CNTNAP4: variants seen among roughly 807,000 people sequenced by gnomAD.
The protein encoded by CNTNAP4 is contactin associated protein family member 4.
In CNTNAP4, 98 loss-of-function variants were observed where a neutral mutation model predicts 148.4. The ratio of observed to expected loss-of-function variants is 0.66; its 90% CI spans 0.56 to 0.78. The LOEUF is 0.78. CNTNAP4 is among the 30% of genes least tolerant of loss of function. The pLI, the probability that CNTNAP4 is intolerant of heterozygous loss-of-function variation, is 0.00. For missense variants in CNTNAP4, 1,935 were observed against 1,565.6 expected (o/e 1.24, Z -3.98); for synonymous variants, 730 against 565.1 (o/e 1.29, Z -4.14).
chr16:76,531,921 G>A (rs1445077666), intron 17 of CNTNAP4, among the ~76,000 whole-genome samples: 1 of 152,134 alleles, frequency 6.6e-6, no homozygotes, highest in African/African-American at 2.4e-5. Flanking sequence ...TTTTAAAGTT[G>A]TGTACTGATT....
At chr16:76,318,730 AT>A (rs778831443) in intron 2 of CNTNAP4, among the ~76,000 whole-genome samples, 110 of 148,008 alleles carry the variant, frequency 7.4e-4, no homozygotes, top group Non-Finnish European at 1.1e-3. Flanking sequence ...TAAATTAATT[AT>A]TTTTATTAAT....
At chr16:76,450,862 A>G (rs2080439270) in intron 7 of CNTNAP4, among the ~76,000 whole-genome samples, 1 of 152,230 alleles carries the variant, frequency 6.6e-6, no homozygotes, top group African/African-American at 2.4e-5. Flanking sequence ...CTTGGACCTC[A>G]GCAATTTTCA....
intron 1 of CNTNAP4, among the ~76,000 whole-genome samples, chr16:76,301,009 A>C (rs982175958): frequency 1.3e-5 from 2 of 152,042 alleles, no homozygotes; most frequent in Non-Finnish European, 2.9e-5. Context: ...GAACAAGTAC[A>C]TACTTGGTCA....
intron 3 of CNTNAP4, among the ~76,000 whole-genome samples, chr16:76,384,128 C>G (rs1339255832): frequency 6.6e-6 from 1 of 152,002 alleles, no homozygotes; most frequent in Non-Finnish European, 1.5e-5. Flanking sequence ...GCTGCAACCT[C>G]CGCCTCCCAG....
At chr16:76,396,736 A>C (rs2144803854) in intron 3 of CNTNAP4, among the ~76,000 whole-genome samples, 1 of 152,292 alleles carries the variant, frequency 6.6e-6, no homozygotes, top group African/African-American at 2.4e-5. Context: ...TGTATCAGCC[A>C]GTGCTACCAG....
At chr16:76,376,905 GTT>G (rs1328006586) in intron 3 of CNTNAP4, among the ~76,000 whole-genome samples, 154 of 113,410 alleles carry the variant, frequency 1.4e-3, no homozygotes, top group African/African-American at 5.7e-3. Context: ...AACTAACAAG[GTT>G]TGTGTGTGTG....
At chr16:76,338,640 T>A (rs1964214293) in intron 2 of CNTNAP4, among the ~76,000 whole-genome samples, 1 of 152,182 alleles carries the variant, frequency 6.6e-6, no homozygotes, top group Non-Finnish European at 1.5e-5. Flanking sequence ...CCTGCTGATG[T>A]GCTGTCTTAC....
chr16:76,380,357 C>G (rs530448921), intron 3 of CNTNAP4, among the ~76,000 whole-genome samples: 1 of 152,228 alleles, frequency 6.6e-6, no homozygotes, highest in South Asian at 2.1e-4. Context: ...CAGGTCTCTC[C>G]GTATCACATA....
chr16:76,524,553 G>T, intron 17 of CNTNAP4, among the ~76,000 whole-genome samples: 1 of 152,122 alleles, frequency 6.6e-6, no homozygotes, highest in Middle Eastern at 3.4e-3. Flanking sequence ...GTGTTGTGCC[G>T]TGTAGGAATC....
intron 2 of CNTNAP4, among the ~76,000 whole-genome samples, chr16:76,317,708 AGTGTGT>A (rs146648270): frequency 5.3e-5 from 8 of 150,602 alleles, no homozygotes; most frequent in African/African-American, 9.7e-5. Context: ...AATAGGTAAG[AGTGTGT>A]GTGTGTGTGT....
intron 12 of CNTNAP4, among the ~76,000 whole-genome samples, chr16:76,484,256 T>TC (rs2081943206): frequency 1.4e-5 from 1 of 70,648 alleles, no homozygotes; most frequent in Admixed American, 2.4e-4. Context: ...GGGTCATAGA[T>TC]CCCAAAGAGG....
At chr16:76,517,053 T>A (rs1189912713) in intron 15 of CNTNAP4, among the ~76,000 whole-genome samples, 1 of 152,158 alleles carries the variant, frequency 6.6e-6, no homozygotes, top group East Asian at 1.9e-4. Context: ...AGAGCAAGAA[T>A]CTGTCAAAAA....
chr16:76,282,110 T>C (rs1017100968), intron 1 of CNTNAP4, among the ~76,000 whole-genome samples: 3 of 151,908 alleles, frequency 2.0e-5, no homozygotes, highest in Non-Finnish European at 2.9e-5. Context: ...TAAAATTTAG[T>C]CTTAATTATT....
chr16:76,543,539 C>A (rs1217881215), intron 21 of CNTNAP4, among the ~76,000 whole-genome samples: 1 of 152,142 alleles, frequency 6.6e-6, no homozygotes, highest in Non-Finnish European at 1.5e-5. Context: ...GCAGACAGGA[C>A]CGTTAGATGT....
At chr16:76,290,469 G>A (rs1317067691) in intron 1 of CNTNAP4, among the ~76,000 whole-genome samples, 1 of 152,170 alleles carries the variant, frequency 6.6e-6, no homozygotes, top group Non-Finnish European at 1.5e-5. Flanking sequence ...TAGTCGGAGT[G>A]AAGTGGCAGG....
intron 17 of CNTNAP4, among the ~76,000 whole-genome samples, chr16:76,530,228 T>C (rs749423635): frequency 3.9e-5 from 6 of 152,086 alleles, no homozygotes; most frequent in Non-Finnish European, 8.8e-5. Flanking sequence ...TTAATTTCGG[T>C]TTTTTATATG....
chr16:76,495,327 T>G (rs184286193), intron 14 of CNTNAP4: 7 of 223,744 alleles, frequency 3.1e-5, no homozygotes, highest in Non-Finnish European at 6.1e-5. Flanking sequence ...ATATGGGGAA[T>G]TAATTATTAT....
At chr16:76,390,427 G>C (rs1448693556) in intron 3 of CNTNAP4, among the ~76,000 whole-genome samples, 1 of 152,130 alleles carries the variant, frequency 6.6e-6, no homozygotes, top group Non-Finnish European at 1.5e-5. Flanking sequence ...CTTTTGCCAG[G>C]ACACTTGTCT....
At chr16:76,354,375 C>A (rs142344942) in intron 2 of CNTNAP4, among the ~76,000 whole-genome samples, 2 of 152,268 alleles carry the variant, frequency 1.3e-5, no homozygotes, top group East Asian at 3.9e-4. Flanking sequence ...GTAAATTATG[C>A]TGTGCACATT....
Sources: allele counts gnomAD v4.1 joint callset (sites outside exome capture counted in the v4.1 genomes callset), GRCh38; gene constraint gnomAD v4.1.1; transcripts MANE v1.5; gene names NCBI Gene and HGNC (gene_info 2026-07-23, HGNC 2026-07-21).